Variants in ABCB7 observed in about 807,000 individuals in gnomAD.
The protein encoded by ABCB7 is iron-sulfur clusters transporter ABCB7, mitochondrial.
In ABCB7, 7 loss-of-function variants were observed where a neutral mutation model predicts 54.4. The ratio of observed to expected loss-of-function variants is 0.13; its 90% CI spans 0.07 to 0.24. The LOEUF is 0.24. Ranked by LOEUF, ABCB7 falls within the 10% of genes least tolerant of loss-of-function variation. The pLI, the probability that ABCB7 is intolerant of heterozygous loss-of-function variation, is 1.00. For missense variants in ABCB7, 356 were observed against 570.4 expected, an observed-to-expected ratio of 0.62 and a Z score of 3.83; for synonymous variants, 218 against 207.1, an observed-to-expected ratio of 1.05 and a Z score of -0.45.
At chrX:75,135,652 T>G (rs2082004272) in intron 1 of ABCB7, among the ~76,000 whole-genome samples, 1 of 111,959 alleles carries the variant, frequency 8.9e-6, no homozygotes, top group Non-Finnish European at 1.9e-5. Flanking sequence ...GCTTTATCCC[T>G]GAGATGTAAG....
rs2081197425 is a variant in ABCB7, at chrX:75,051,737, AG to A, written c.*1632del. 1 of 112,399 alleles carries A rather than the reference AG, an allele frequency of 8.9e-6. No individual in the cohort carries two copies. The highest frequency in any genetic ancestry group is 1.9e-5 in the Non-Finnish European group (1 of 53,265). The allele number at this position is 112,399 out of a possible 1,213,427, so 9.3% of individuals were successfully genotyped here. On this transcript the variant is annotated 3_prime_UTR_variant, in exon 16 of 16. Coordinates refer to ENST00000373394, the MANE Select transcript of ABCB7 (RefSeq NM_001271696.3). The stretch of plus-strand genomic sequence containing the variant: ...ATTCTGAAGTGTCAACACAGATTAG[AG>A]TCTTGATCATCTAAAGAGTATAATA...
chrX:75,079,766 C>T (rs771344902), intron 4 of ABCB7, among the ~76,000 whole-genome samples: 20 of 111,230 alleles, frequency 1.8e-4, no homozygotes, highest in Non-Finnish European at 3.8e-4. Flanking sequence ...GCAATTTTAC[C>T]GCACGTTCAG....
At chrX:75,127,498 C>T (rs539873425) in intron 1 of ABCB7, among the ~76,000 whole-genome samples, 8 of 111,905 alleles carry the variant, frequency 7.1e-5, no homozygotes, top group African/African-American at 2.6e-4. Flanking sequence ...AAAACTGGCA[C>T]AAGGACATGG....
intron 8 of ABCB7, among the ~76,000 whole-genome samples, chrX:75,071,976 A>C (rs757924596): frequency 9.0e-6 from 1 of 111,391 alleles, no homozygotes; most frequent in Admixed American, 9.6e-5. Context: ...CCTTCCCCTG[A>C]GACTCTGAAT....
chrX:75,074,976 CT>C (rs1260758644), intron 6 of ABCB7, among the ~76,000 whole-genome samples: 2 of 110,505 alleles, frequency 1.8e-5, no homozygotes, highest in African/African-American at 6.6e-5. Context: ...CAGGTACCCC[CT>C]GAAGCTAAAA....
chrX:75,107,880 C>A (rs1205323466), intron 3 of ABCB7, among the ~76,000 whole-genome samples: 2 of 110,644 alleles, frequency 1.8e-5, no homozygotes, highest in Admixed American at 1.9e-4. Flanking sequence ...AGGGGTATAG[C>A]ACCAAGCAGG....
intron 1 of ABCB7, among the ~76,000 whole-genome samples, chrX:75,151,720 A>G (rs2082133302): frequency 9.0e-6 from 1 of 111,582 alleles, no homozygotes; most frequent in African/African-American, 3.3e-5. Context: ...AAATATTACT[A>G]GTTTACAGGA....
chrX:75,150,683 C>G (rs1453146376), intron 1 of ABCB7, among the ~76,000 whole-genome samples: 1 of 111,043 alleles, frequency 9.0e-6, no homozygotes, highest in South Asian at 3.8e-4. Context: ...GCATAAGAAT[C>G]GTATACAGAA....
chrX:75,085,851 A>T (rs1319490154), intron 4 of ABCB7, among the ~76,000 whole-genome samples: 7 of 103,715 alleles, frequency 6.7e-5, no homozygotes, highest in East Asian at 3.1e-4. Flanking sequence ...AACTTTAAAT[A>T]TTTTTTTTTT....
At chrX:75,060,197 C>T in intron 15 of ABCB7, 26 bp downstream of exon 15, 1 of 1,128,039 alleles carries the variant, frequency 8.9e-7, no homozygotes. Context: ...TCCTCAAATA[C>T]TAAACTTTAA....
chrX:75,059,833 T>G (rs758512577), intron 15 of ABCB7, among the ~76,000 whole-genome samples: 1 of 111,815 alleles, frequency 8.9e-6, no homozygotes, highest in South Asian at 3.7e-4. Flanking sequence ...ATGGTAATTT[T>G]CTTTTAACCA....
intron 1 of ABCB7, among the ~76,000 whole-genome samples, chrX:75,155,468 T>C (rs1488049798): frequency 1.8e-5 from 2 of 112,352 alleles, no homozygotes; most frequent in African/African-American, 6.5e-5. Context: ...GCTACATTCA[T>C]AAGTTAAGGA....
At chrX:75,070,265 T>A in intron 10 of ABCB7, 100 bp downstream of exon 10, 1 of 850,600 alleles carries the variant, frequency 1.2e-6, no homozygotes, top group Non-Finnish European at 1.7e-6. Context: ...GTAAAATAAA[T>A]TGGTTTGCTA....
chrX:75,062,745 T>C (rs1435306277), intron 13 of ABCB7: 1 of 186,314 alleles, frequency 5.4e-6, no homozygotes, highest in Non-Finnish European at 9.9e-6. Flanking sequence ...TATGTTACTT[T>C]ATATTACAGA....
At chrX:75,114,179 TTAA>T (rs748901260) in intron 2 of ABCB7, among the ~76,000 whole-genome samples, 1 of 112,285 alleles carries the variant, frequency 8.9e-6, no homozygotes, top group East Asian at 2.8e-4. Flanking sequence ...CAAATAATTA[TTAA>T]TAAGAAAGAA....
intron 15 of ABCB7, among the ~76,000 whole-genome samples, chrX:75,058,861 A>C (rs1018138568): frequency 1.8e-5 from 2 of 111,923 alleles, no homozygotes; most frequent in Non-Finnish European, 3.8e-5. Flanking sequence ...CAGAAAGCTT[A>C]TAAAAAAGTA....
At chrX:75,086,464 T>C (rs1300467440) in intron 4 of ABCB7, among the ~76,000 whole-genome samples, 1 of 111,835 alleles carries the variant, frequency 8.9e-6, no homozygotes, top group Non-Finnish European at 1.9e-5. Flanking sequence ...TGACTAGTCA[T>C]CTGAGGAACC....
At chrX:75,060,443 T>A in intron 14 of ABCB7, 113 bp from the exon 15 acceptor site, 1 of 569,857 alleles carries the variant, frequency 1.8e-6, no homozygotes, top group Non-Finnish European at 3.0e-6. Context: ...ATGCCAGTTT[T>A]TTTTTAGTAT....
intron 14 of ABCB7, among the ~76,000 whole-genome samples, chrX:75,062,095 C>T (rs1461852263): frequency 1.8e-5 from 2 of 112,309 alleles, no homozygotes; most frequent in Non-Finnish European, 3.8e-5. Context: ...TCACATAGTT[C>T]CAAAAGGAGA....
Sources: allele counts gnomAD v4.1 joint callset (sites outside exome capture counted in the v4.1 genomes callset), GRCh38; gene constraint gnomAD v4.1.1; transcripts MANE v1.5; gene names NCBI Gene and HGNC (gene_info 2026-07-23, HGNC 2026-07-21).